RTN1: variants seen among roughly 807,000 people sequenced by gnomAD.
RTN1 encodes reticulon-1.
RTN1 carries 25 observed loss-of-function variants against 65.5 expected under a neutral mutation model. The ratio of observed to expected loss-of-function variants is 0.38; its 90% CI spans 0.28 to 0.53. The LOEUF is 0.53. Among genes scored for constraint, RTN1 ranks in the 20% least tolerant of loss-of-function variants. The pLI is 0.79. For synonymous variants in RTN1, 471 were observed against 447.6 expected, an observed-to-expected ratio of 1.05 and a Z score of -0.66; for missense variants, 983 against 1,025.4, an observed-to-expected ratio of 0.96 and a Z score of 0.57.
chr14:59,863,741 T>C (rs1887750450), intron 1 of RTN1, among the ~76,000 whole-genome samples: 1 of 152,158 alleles, frequency 6.6e-6, no homozygotes, highest in Non-Finnish European at 1.5e-5. Flanking sequence ...CATTCAAAAA[T>C]TAACATGTGT....
intron 1 of RTN1, among the ~76,000 whole-genome samples, chr14:59,782,706 T>C (rs886293245): frequency 6.6e-6 from 1 of 152,242 alleles, no homozygotes; most frequent in Non-Finnish European, 1.5e-5. Context: ...GTTTTGTTTT[T>C]ATAATCTAGG....
intron 3 of RTN1, among the ~76,000 whole-genome samples, chr14:59,705,268 C>G (rs1403903179): frequency 6.6e-6 from 1 of 152,150 alleles, no homozygotes; most frequent in Non-Finnish European, 1.5e-5. Context: ...AACTTTGCAG[C>G]TACATTATGA....
At chr14:59,800,707 C>T (rs549579497) in intron 1 of RTN1, among the ~76,000 whole-genome samples, 2 of 152,210 alleles carry the variant, frequency 1.3e-5, no homozygotes, top group East Asian at 3.9e-4. Flanking sequence ...GCCAAAAATA[C>T]ATCTTAAAAT....
intron 1 of RTN1, among the ~76,000 whole-genome samples, chr14:59,765,393 G>T (rs1885830763): frequency 1.3e-5 from 2 of 152,192 alleles, no homozygotes; most frequent in African/African-American, 4.8e-5. Flanking sequence ...ACAGGCTAAA[G>T]AATAGGTAAT....
At chr14:59,841,147 G>T (rs1278894995) in intron 1 of RTN1, among the ~76,000 whole-genome samples, 1 of 152,158 alleles carries the variant, frequency 6.6e-6, no homozygotes, top group Non-Finnish European at 1.5e-5. Context: ...AGTAGAATTT[G>T]ATAGGTTAAG....
intron 3 of RTN1, among the ~76,000 whole-genome samples, chr14:59,672,073 C>T (rs937573116): frequency 4.6e-5 from 7 of 152,138 alleles, no homozygotes; most frequent in African/African-American, 1.7e-4. Flanking sequence ...TCTCTCTTGG[C>T]TTTAGGATGT....
In RTN1 at chr14:59,660,664, A is replaced by ATAAAT. The variant is rs755928059; in HGVS notation, c.1766-53177_1766-53173dup. Among the ~76,000 whole-genome samples, 18 of 152,354 alleles carry ATAAAT rather than the reference A, an allele frequency of 1.2e-4. 2 individuals carry two copies. The highest frequency in any genetic ancestry group is 7.2e-4 in the Admixed American group (11 of 15,300). ...GGTAAATAATGAAATTAAGGAAGAA[A>ATAAAT]TAAATAAGTTATTTGAAACCAATGA... On this transcript the variant is annotated intron_variant, in intron 3 of 8. Transcript: ENST00000267484.
At chr14:59,763,131 ACT>A (rs200403383) in intron 1 of RTN1, among the ~76,000 whole-genome samples, 20 of 151,674 alleles carry the variant, frequency 1.3e-4, no homozygotes, top group African/African-American at 3.6e-4. Flanking sequence ...GATTTAACTA[ACT>A]CTCTCTCTCT....
chr14:59,761,109 C>T (rs1885739387), intron 1 of RTN1, among the ~76,000 whole-genome samples: 1 of 152,160 alleles, frequency 6.6e-6, no homozygotes, highest in African/African-American at 2.4e-5. Context: ...TTTTTTTAAA[C>T]ATCTGCATCA....
chr14:59,737,799 G>C (rs972910953), intron 2 of RTN1, among the ~76,000 whole-genome samples: 1 of 152,136 alleles, frequency 6.6e-6, no homozygotes, highest in Non-Finnish European at 1.5e-5. Flanking sequence ...GTATGGTACT[G>C]GTACAAGAAC....
chr14:59,798,569 A>T (rs1886481700), intron 1 of RTN1, among the ~76,000 whole-genome samples: 1 of 151,846 alleles, frequency 6.6e-6, no homozygotes. Flanking sequence ...AACATCTCCC[A>T]ATCTCTCTCT....
intron 1 of RTN1, among the ~76,000 whole-genome samples, chr14:59,791,703 T>A (rs1042906622): frequency 6.6e-6 from 1 of 152,120 alleles, no homozygotes; most frequent in African/African-American, 2.4e-5. Context: ...GGCCCTTACC[T>A]CCATCACTCA....
At chr14:59,758,561 C>T (rs1327081713) in intron 1 of RTN1, among the ~76,000 whole-genome samples, 1 of 152,208 alleles carries the variant, frequency 6.6e-6, no homozygotes, top group Non-Finnish European at 1.5e-5. Flanking sequence ...AATAACATCT[C>T]TGGTGAAGTC....
At chr14:59,753,265 A>G (rs1280988433) in intron 1 of RTN1, among the ~76,000 whole-genome samples, 2 of 152,324 alleles carry the variant, frequency 1.3e-5, no homozygotes, top group Middle Eastern at 3.4e-3. Flanking sequence ...AAGAAGTCCC[A>G]TTCCTACCCT....
Position 59,648,239 on chromosome 14 carries a change from C to G in RTN1, c.1766-40747G>C, listed in dbSNP as rs111437342. On this transcript the variant is annotated intron_variant, in intron 3 of 8. Coordinates refer to ENST00000267484, the MANE Select transcript of RTN1 (RefSeq NM_021136.3). Reference sequence around the variant, plus strand: ...CACATATACCTTCTCAAGACTGAACCAGGAAGAAATTGCTTCCCTGACCAG... The same window carrying G: ...CACATATACCTTCTCAAGACTGAACGAGGAAGAAATTGCTTCCCTGACCAG... 5.4e-3 allele frequency among the ~76,000 whole-genome samples: 826 copies of G among 152,198 alleles called. 8 individuals carry two copies. The highest frequency in any genetic ancestry group is 0.017 in the African/African-American group (709 of 41,516).
At chr14:59,721,011 T>C (rs1298615727) in intron 3 of RTN1, among the ~76,000 whole-genome samples, 1 of 152,228 alleles carries the variant, frequency 6.6e-6, no homozygotes, top group Non-Finnish European at 1.5e-5. Flanking sequence ...ATGACTTTTT[T>C]TTTTTAGAAT....
At chr14:59,657,753 C>T (rs1333975928) in intron 3 of RTN1, among the ~76,000 whole-genome samples, 2 of 152,204 alleles carry the variant, frequency 1.3e-5, no homozygotes, top group Admixed American at 6.5e-5. Context: ...AACCCGCAGA[C>T]CAGGAGATTC....
intron 3 of RTN1, among the ~76,000 whole-genome samples, chr14:59,611,327 T>C (rs1881942888): frequency 1.3e-5 from 2 of 152,226 alleles, no homozygotes; most frequent in Non-Finnish European, 2.9e-5. Flanking sequence ...GGCGGCTGAC[T>C]CTGGTATTCT....
At chr14:59,683,819 C>T (rs995790958) in intron 3 of RTN1, among the ~76,000 whole-genome samples, 2 of 152,052 alleles carry the variant, frequency 1.3e-5, no homozygotes, top group African/African-American at 4.8e-5. Context: ...TGAAAGAAAA[C>T]TGGTGATCCA....
Sources: allele counts gnomAD v4.1 joint callset (sites outside exome capture counted in the v4.1 genomes callset), GRCh38; gene constraint gnomAD v4.1.1; transcripts MANE v1.5; gene names NCBI Gene and HGNC (gene_info 2026-07-23, HGNC 2026-07-21).